ACTR3B: variants seen among roughly 807,000 people sequenced by gnomAD.
The protein encoded by ACTR3B is actin-related protein 3B.
A neutral mutation model predicts 59.0 loss-of-function variants in ACTR3B; 8 were observed. The ratio of observed to expected loss-of-function variants is 0.14; its 90% CI spans 0.08 to 0.24. The LOEUF (loss-of-function observed/expected upper bound fraction) is 0.24, where lower values mean the gene tolerates loss of function less well. ACTR3B is among the 10% of genes least tolerant of loss of function. ACTR3B has a pLI of 1.00. For missense variants in ACTR3B, 245 were observed against 552.3 expected (o/e 0.44, Z 5.58); for synonymous variants, 148 against 197.9 (o/e 0.75, Z 2.12).
At chr7:152,816,401 T>C (rs1297735531) in intron 5 of ACTR3B, 80 bp from the exon 6 acceptor site, 3 of 1,274,022 alleles carry the variant, frequency 2.4e-6, no homozygotes, top group African/African-American at 3.0e-5. Context: ...AGAGAGTTTG[T>C]TGATTGGACC....
intron 9 of ACTR3B, among the ~76,000 whole-genome samples, chr7:152,839,461 T>A (rs1009774753): frequency 3.4e-5 from 5 of 147,442 alleles, no homozygotes; most frequent in African/African-American, 1.3e-4. Context: ...CTCGGCAGAA[T>A]GGGGATGGGA....
intron 3 of ACTR3B, 39 bp from the exon 4 acceptor site, chr7:152,801,582 C>A (rs112156405): frequency 6.5e-5 from 80 of 1,232,724 alleles, no homozygotes; most frequent in Non-Finnish European, 8.3e-5. Flanking sequence ...CTTATTGTTG[C>A]GAACTGAGGC....
intron 1 of ACTR3B, among the ~76,000 whole-genome samples, chr7:152,763,184 T>C (rs1223309476): frequency 6.6e-6 from 1 of 151,494 alleles, no homozygotes; most frequent in Non-Finnish European, 1.5e-5. Context: ...GGTGTGGTGG[T>C]GCGTGCCTGT....
chr7:152,843,839 T>A (rs1047516126), intron 9 of ACTR3B, among the ~76,000 whole-genome samples: 29 of 152,210 alleles, frequency 1.9e-4, no homozygotes, highest in African/African-American at 6.3e-4. Context: ...TAAAAGAATG[T>A]TCTCAGTTTT....
intron 6 of ACTR3B, among the ~76,000 whole-genome samples, chr7:152,817,661 G>T (rs1795812858): frequency 6.6e-6 from 1 of 152,102 alleles, no homozygotes; most frequent in Non-Finnish European, 1.5e-5. Context: ...AACCACCATT[G>T]CTAGTTACTT....
chr7:152,765,331 A>G (rs2689519), intron 1 of ACTR3B, among the ~76,000 whole-genome samples: 2 of 151,426 alleles, frequency 1.3e-5, no homozygotes, highest in Non-Finnish European at 2.9e-5. Context: ...TGGTCAGGCC[A>G]GTCTTGAACT....
intron 2 of ACTR3B, among the ~76,000 whole-genome samples, chr7:152,795,058 G>A (rs529669947): frequency 7.3e-6 from 1 of 137,492 alleles, no homozygotes; most frequent in Non-Finnish European, 1.5e-5. Context: ...TTTTTGAGAT[G>A]GAGTCTCACT....
At chr7:152,811,956 C>A (rs1563118384) in intron 4 of ACTR3B, 1 of 121,290 alleles carries the variant, frequency 8.2e-6, no homozygotes, top group African/African-American at 2.7e-5. Flanking sequence ...AACTTGATAA[C>A]ATTTTTTTCC....
intron 1 of ACTR3B, among the ~76,000 whole-genome samples, chr7:152,772,927 G>C (rs1350457117): frequency 2.0e-5 from 3 of 151,348 alleles, no homozygotes; most frequent in Non-Finnish European, 4.4e-5. Flanking sequence ...CTGGGGAGTG[G>C]GAGATACCAC....
intron 1 of ACTR3B, among the ~76,000 whole-genome samples, chr7:152,778,285 A>T (rs776919291): frequency 3.7e-4 from 52 of 140,438 alleles, no homozygotes; most frequent in Admixed American, 6.7e-4. Context: ...TTTTTTTGAG[A>T]TAGAGTCTCA....
chr7:152,844,862 T>C (rs1798146565), intron 9 of ACTR3B, among the ~76,000 whole-genome samples: 1 of 144,694 alleles, frequency 6.9e-6, no homozygotes, highest in Non-Finnish European at 1.5e-5. Context: ...TGTTAAGTCC[T>C]CTTTTGTATT....
Position 152,853,545 on chromosome 7 carries a change from G to A in ACTR3B, c.1129G>A (p.Val377Met). The change falls in exon 11 of 12, where the codon GTG becomes ATG. Residue 377 changes from valine (V) to methionine (M), a missense_variant. By Grantham distance (21) the Val-to-Met change is conservative. Transcript: ENST00000256001. ...CACGCATCACATGCAGCGCTACGCCGTGTGGTTCGGAGGCTCCATGCTGGC... is the reference window on the plus strand; with the variant it reads ...CACGCATCACATGCAGCGCTACGCCATGTGGTTCGGAGGCTCCATGCTGGC... ...VVTHHMQRYAVWFGGSMLAST... is the reference protein window; with the variant it reads ...VVTHHMQRYAMWFGGSMLAST... 1.2e-6 allele frequency: 2 copies of A among 1,613,866 alleles called. No homozygotes were observed. The highest frequency in any genetic ancestry group is 2.2e-5 in the East Asian group (1 of 44,858).
At chr7:152,796,115 G>C (rs1478707954) in intron 2 of ACTR3B, among the ~76,000 whole-genome samples, 1 of 152,172 alleles carries the variant, frequency 6.6e-6, no homozygotes, top group Non-Finnish European at 1.5e-5. Flanking sequence ...AAAGTGCTGG[G>C]ATAACAGGCG....
rs565370426 is a variant in ACTR3B, at chr7:152,763,239, C to T, written c.44+3313C>T. On this transcript the variant is annotated intron_variant, in intron 1 of 11. Coordinates refer to ENST00000256001, the MANE Select transcript of ACTR3B (RefSeq NM_020445.6). ...GCTGCTCAGGAGAATCACTTGAATC[C>T]GAGAGGCGGAAGTTGCAGTGAGCCG... Among the ~76,000 whole-genome samples, 209 of 140,858 alleles carry T rather than the reference C, an allele frequency of 1.5e-3. 1 individual carries two copies. The highest frequency in any genetic ancestry group is 1.5e-3 in the Non-Finnish European group (101 of 66,398). 92.4% of individuals were successfully genotyped at this position (140,858 alleles called of 152,430 possible).
intron 2 of ACTR3B, among the ~76,000 whole-genome samples, chr7:152,795,770 A>G (rs943787820): frequency 1.8e-4 from 27 of 151,820 alleles, no homozygotes; most frequent in African/African-American, 2.4e-4. Context: ...CTGAATTTAC[A>G]TTAAACACAC....
At chr7:152,846,174 G>A (rs1043977275) in intron 9 of ACTR3B, among the ~76,000 whole-genome samples, 5 of 151,528 alleles carry the variant, frequency 3.3e-5, no homozygotes, top group Non-Finnish European at 7.4e-5. Context: ...GTGAGCTCTA[G>A]TGCCCGGGCT....
chr7:152,788,579 A>G (rs1298650097), intron 2 of ACTR3B, among the ~76,000 whole-genome samples: 70 of 151,650 alleles, frequency 4.6e-4, no homozygotes, highest in Non-Finnish European at 8.1e-4. Context: ...TGCTCAGCTA[A>G]TTTTTGTATT....
At chr7:152,789,043 A>ATAAACAG (rs1372935554) in intron 2 of ACTR3B, among the ~76,000 whole-genome samples, 2,942 of 93,214 alleles carry the variant, frequency 0.032, 64 homozygotes, top group African/African-American at 0.085. Context: ...AACAACAACA[A>ATAAACAG]CAACAACAAA....
At chr7:152,832,229 A>G (rs1276998319) in intron 9 of ACTR3B, among the ~76,000 whole-genome samples, 13 of 152,132 alleles carry the variant, frequency 8.5e-5, no homozygotes, top group Admixed American at 8.5e-4. Flanking sequence ...ATTTACTGAC[A>G]GGAGATACAG....
Sources: gnomAD v4.1 joint callset for allele counts (sites outside exome capture counted in the v4.1 genomes callset) on GRCh38, gnomAD v4.1.1 for gene constraint, MANE v1.5 for transcripts, NCBI Gene and HGNC (gene_info 2026-07-23, HGNC 2026-07-21) for gene names.